CALN1: variants seen among roughly 807,000 people sequenced by gnomAD.
CALN1 encodes the protein calcium-binding protein 8.
In CALN1, 17 loss-of-function variants were observed where a neutral mutation model predicts 30.6. The ratio of observed to expected loss-of-function variants is 0.56; its 90% confidence interval spans 0.38 to 0.83. CALN1 has a LOEUF of 0.83. Among genes scored for constraint, CALN1 ranks in the 40% least tolerant of loss-of-function variants. The probability of loss-of-function intolerance (pLI) is 0.00; values close to 1 mark genes in which losing one functional copy is unlikely to be tolerated. For missense variants in CALN1, 291 were observed against 354.9 expected (o/e 0.82, Z 1.45); for synonymous variants, 156 against 131.4 (o/e 1.19, Z -1.28).
intron 3 of CALN1, among the ~76,000 whole-genome samples, chr7:72,269,215 T>C (rs1022557613): frequency 1.3e-5 from 2 of 152,148 alleles, no homozygotes; most frequent in African/African-American, 4.8e-5. Flanking sequence ...GATTTTATTT[T>C]ATTTTATTAT....
At chr7:72,464,579 A>T in the CALN1 span, among the ~76,000 whole-genome samples, 3 of 152,016 alleles carry the variant, frequency 2.0e-5, no homozygotes, top group African/African-American at 7.2e-5. Flanking sequence ...CCCTGCAGTT[A>T]ACCCTTTCTT....
chr7:71,794,392 T>C (rs1786760184), intron 6 of CALN1, among the ~76,000 whole-genome samples: 1 of 152,236 alleles, frequency 6.6e-6, no homozygotes, highest in African/African-American at 2.4e-5. Context: ...TATTTTTGCA[T>C]ATTTATTTAC....
intron 2 of CALN1, among the ~76,000 whole-genome samples, chr7:72,298,037 C>T (rs1328902085): frequency 1.3e-5 from 2 of 152,098 alleles, no homozygotes; most frequent in Non-Finnish European, 2.9e-5. Flanking sequence ...GCTACAAAAT[C>T]ACATAATAGT....
At chr7:72,391,197 G>T (rs890782774) in intron 2 of CALN1, among the ~76,000 whole-genome samples, 1 of 152,160 alleles carries the variant, frequency 6.6e-6, no homozygotes, top group Non-Finnish European at 1.5e-5. Context: ...GCCACATATT[G>T]AAAGAAGATG....
chr7:71,832,650 G>C (rs762169284), intron 5 of CALN1, among the ~76,000 whole-genome samples: 18 of 152,244 alleles, frequency 1.2e-4, no homozygotes, highest in South Asian at 1.0e-3. Flanking sequence ...GCCAAGGCTG[G>C]AGTGCAGTGG....
intron 5 of CALN1, among the ~76,000 whole-genome samples, chr7:71,825,637 C>G (rs770244164): frequency 3.9e-5 from 6 of 152,050 alleles, no homozygotes; most frequent in African/African-American, 1.4e-4. Flanking sequence ...CTGCCAAGAA[C>G]AGAGAGACAG....
chr7:71,831,289 G>C (rs930763899), intron 5 of CALN1, among the ~76,000 whole-genome samples: 3 of 152,250 alleles, frequency 2.0e-5, no homozygotes, highest in Non-Finnish European at 4.4e-5. Context: ...GATCAGCCTG[G>C]CCAAGATGGT....
Position 72,032,814 on chromosome 7 carries a change from C to G in CALN1, c.389-9045G>C, listed in dbSNP as rs755558040. ...GGTCGTTCACAGAGAACCCTGCACA[C>G]GTCTGAAGTCTCTTCCACCAGAAAA... is the stretch of plus-strand genomic sequence containing the variant. On this transcript the variant is annotated intron_variant, in intron 4 of 6. Transcript: ENST00000395275. 3.9e-5 allele frequency among the ~76,000 whole-genome samples: 6 copies of G among 152,156 alleles called. No homozygotes were observed. In the East Asian group the frequency reaches 1.2e-3, roughly 29 times the overall value.
chr7:72,348,023 T>TG (rs1802734852), intron 2 of CALN1, among the ~76,000 whole-genome samples: 1 of 151,974 alleles, frequency 6.6e-6, no homozygotes, highest in South Asian at 2.1e-4. Context: ...CCCAGCTACT[T>TG]GGGAGGCTGA....
At chr7:71,924,446 A>C (rs1056703432) in intron 5 of CALN1, among the ~76,000 whole-genome samples, 2 of 152,062 alleles carry the variant, frequency 1.3e-5, no homozygotes, top group Non-Finnish European at 2.9e-5. Flanking sequence ...ATTACTTTCA[A>C]GGCAATGATC....
At chr7:72,206,434 C>T (rs1333153737) in intron 3 of CALN1, among the ~76,000 whole-genome samples, 3 of 152,122 alleles carry the variant, frequency 2.0e-5, no homozygotes, top group African/African-American at 4.8e-5. Context: ...ATTACTTCTG[C>T]CTCTTACTGC....
At chr7:71,928,617 C>T (rs1795392218) in intron 5 of CALN1, among the ~76,000 whole-genome samples, 1 of 152,158 alleles carries the variant, frequency 6.6e-6, no homozygotes. Flanking sequence ...TAATAGTTCA[C>T]ATACCATATC....
At chr7:71,796,358 CTTTT>C (rs35184000) in intron 6 of CALN1, among the ~76,000 whole-genome samples, 7 of 130,192 alleles carry the variant, frequency 5.4e-5, no homozygotes, top group Admixed American at 7.8e-5. Flanking sequence ...ATGTTTCTTT[CTTTT>C]TTTTTTTTTT....
At chr7:71,805,684 T>G (rs1441710915) in intron 6 of CALN1, among the ~76,000 whole-genome samples, 1 of 152,198 alleles carries the variant, frequency 6.6e-6, no homozygotes, top group Non-Finnish European at 1.5e-5. Context: ...TGCTTCCTCA[T>G]AGGCGTTTGC....
chr7:72,487,713 A>AAAGAAAGAAAGAAAGAAAGAAAGAAAG, the CALN1 span, among the ~76,000 whole-genome samples: 39 of 68,698 alleles, frequency 5.7e-4, 2 homozygotes, highest in African/African-American at 9.0e-4. Context: ...AAAAGAAAAG[A>AAAGAAAGAAAGAAAGAAAGAAAGAAAG]AAAGAAAGAA....
chr7:71,972,923 T>A lies in CALN1; in HGVS notation c.501+50734A>T, dbSNP rs563548988. ...TGCAGCTTGGAACAGTCACCTGATGTTCACTCATGAAAAGAGGGACAGTTC... is the reference window on the plus strand; with the variant it reads ...TGCAGCTTGGAACAGTCACCTGATGATCACTCATGAAAAGAGGGACAGTTC... On this transcript the variant is annotated intron_variant, in intron 5 of 6. Transcript: ENST00000395275. Among the ~76,000 whole-genome samples the A allele has an allele frequency of 2.6e-5, 4 of 152,256 alleles. No individual in the cohort carries two copies. The South Asian group carries it at 8.3e-4, about 32-fold the overall frequency.
At chr7:71,862,029 T>G (rs1363277128) in intron 5 of CALN1, among the ~76,000 whole-genome samples, 1 of 152,210 alleles carries the variant, frequency 6.6e-6, no homozygotes, top group Non-Finnish European at 1.5e-5. Flanking sequence ...CCTCAAAGGT[T>G]AGCAACTAAC....
rs561249466 is a variant in CALN1 at position 72,138,720 on chromosome 7, AAT to A, written c.245-32428_245-32427del. Among the ~76,000 whole-genome samples, 713 of 152,336 alleles carry A rather than the reference AAT, an allele frequency of 4.7e-3. 4 individuals are homozygous for A. Among genetic ancestry groups the A allele is most frequent in the Middle Eastern group, 0.01 (3 of 294 alleles). On this transcript the variant is annotated intron_variant, in intron 3 of 6. Coordinates refer to ENST00000395275, the MANE Select transcript of CALN1 (RefSeq NM_031468.4). ...TCAACATGAAAATTGGTTTCACGACAATATGCCTGATAAAACAGCACATGAAA... is the reference window on the plus strand; with the variant it reads ...TCAACATGAAAATTGGTTTCACGACAATGCCTGATAAAACAGCACATGAAA...
chr7:71,899,789 G>C (rs780811048), intron 5 of CALN1, among the ~76,000 whole-genome samples: 1 of 152,126 alleles, frequency 6.6e-6, no homozygotes, highest in Non-Finnish European at 1.5e-5. Context: ...TCACCATATG[G>C]ATGCATGGCA....
Sources: gnomAD v4.1 joint callset for allele counts (sites outside exome capture counted in the v4.1 genomes callset) on GRCh38, gnomAD v4.1.1 for gene constraint, MANE v1.5 for transcripts, NCBI Gene and HGNC (gene_info 2026-07-23, HGNC 2026-07-21) for gene names.